Variants in PDE4D observed in about 807,000 individuals in gnomAD.
PDE4D encodes the protein 3',5'-cyclic-AMP phosphodiesterase 4D.
PDE4D carries 24 observed loss-of-function variants against 87.4 expected under a neutral mutation model. The observed-to-expected ratio is 0.27, with a 90% confidence interval of 0.20 to 0.39. PDE4D has a LOEUF of 0.39. Ranked by LOEUF, PDE4D falls within the 10% of genes least tolerant of loss-of-function variation. The pLI is 1.00. For missense variants in PDE4D, 714 were observed against 1,041.0 expected (o/e 0.69, Z 4.32); for synonymous variants, 384 against 383.2 (o/e 1.00, Z -0.02).
At chr5:60,347,649 G>A (rs1428977365) in intron 1 of PDE4D, among the ~76,000 whole-genome samples, 1 of 152,062 alleles carries the variant, frequency 6.6e-6, no homozygotes, top group African/African-American at 2.4e-5. Flanking sequence ...TAAAGGACAT[G>A]CCCAGACACC....
intron 3 of PDE4D, among the ~76,000 whole-genome samples, chr5:59,927,049 T>C (rs1168657941): frequency 6.6e-6 from 1 of 152,170 alleles, no homozygotes; most frequent in Non-Finnish European, 1.5e-5. Flanking sequence ...AAGGAGAGTT[T>C]GTCTTCAGCT....
chr5:60,466,775 C>G (rs983643466), intron 1 of PDE4D, among the ~76,000 whole-genome samples: 2 of 152,124 alleles, frequency 1.3e-5, no homozygotes, highest in Admixed American at 6.5e-5. Flanking sequence ...ATTTCCTACT[C>G]TTTCCCTCCT....
chr5:59,173,871 C>A (rs1002355989), intron 5 of PDE4D, among the ~76,000 whole-genome samples: 1 of 152,108 alleles, frequency 6.6e-6, no homozygotes, highest in Non-Finnish European at 1.5e-5. Flanking sequence ...TCATGTAGAT[C>A]CCTTTTGCCT....
chr5:60,369,314 C>A (rs1385427734), intron 1 of PDE4D, among the ~76,000 whole-genome samples: 7 of 152,096 alleles, frequency 4.6e-5, no homozygotes, highest in African/African-American at 1.7e-4. Flanking sequence ...GAATGGTGGG[C>A]AGCCCAGGGA....
intron 1 of PDE4D, among the ~76,000 whole-genome samples, chr5:59,695,998 T>C (rs1751726620): frequency 6.6e-6 from 1 of 152,200 alleles, no homozygotes; most frequent in East Asian, 1.9e-4. Flanking sequence ...TTTTGAATCA[T>C]TATGTGCTAA....
chr5:60,045,194 C>T (rs998370926), intron 2 of PDE4D, among the ~76,000 whole-genome samples: 1 of 151,618 alleles, frequency 6.6e-6, no homozygotes, highest in South Asian at 2.1e-4. Context: ...TGTCCACCCA[C>T]TTTTTGATGG....
intron 5 of PDE4D, among the ~76,000 whole-genome samples, chr5:59,146,067 C>T (rs1475559886): frequency 6.6e-6 from 1 of 152,180 alleles, no homozygotes; most frequent in Admixed American, 6.5e-5. Context: ...GTGGAGGTTG[C>T]AGTGAGCTGA....
intron 5 of PDE4D, among the ~76,000 whole-genome samples, chr5:59,122,457 T>C (rs1000904441): frequency 1.3e-5 from 2 of 152,132 alleles, no homozygotes; most frequent in African/African-American, 4.8e-5. Context: ...AACACACAGA[T>C]AGAATAAGCT....
chr5:59,232,229 G>C (rs1410843844), intron 1 of PDE4D, among the ~76,000 whole-genome samples: 1 of 152,052 alleles, frequency 6.6e-6, no homozygotes, highest in Admixed American at 6.6e-5. Context: ...AGAGTGAAAA[G>C]ACAACATGTT....
chr5:59,121,276 T>C (rs1774457378), intron 5 of PDE4D, among the ~76,000 whole-genome samples: 1 of 152,078 alleles, frequency 6.6e-6, no homozygotes, highest in East Asian at 1.9e-4. Flanking sequence ...ATCTATTAAA[T>C]GGGAGAAAAT....
At chr5:60,416,501 C>T (rs139415409) in intron 1 of PDE4D, among the ~76,000 whole-genome samples, 3,455 of 152,130 alleles carry the variant, frequency 0.023, 118 homozygotes, top group African/African-American at 0.08. Context: ...ACGAACAACT[C>T]CAGACACCCT....
intron 1 of PDE4D, among the ~76,000 whole-genome samples, chr5:59,297,488 C>T (rs894510486): frequency 6.6e-6 from 1 of 151,918 alleles, no homozygotes; most frequent in African/African-American, 2.4e-5. Flanking sequence ...AAAAGAGGGA[C>T]GGGTAGTGAA....
intron 5 of PDE4D, among the ~76,000 whole-genome samples, chr5:59,134,826 G>T (rs779695591): frequency 3.0e-4 from 45 of 152,100 alleles, no homozygotes; most frequent in Non-Finnish European, 6.2e-4. Flanking sequence ...AACTTACATG[G>T]AATACTTTTC....
At chr5:59,409,936 T>A (rs1792359674) in intron 1 of PDE4D, among the ~76,000 whole-genome samples, 1 of 152,176 alleles carries the variant, frequency 6.6e-6, no homozygotes, top group African/African-American at 2.4e-5. Flanking sequence ...TAATTTTAAT[T>A]CTTATGAGTA....
At chr5:59,910,849 T>C (rs1262973293) in intron 3 of PDE4D, among the ~76,000 whole-genome samples, 1 of 152,178 alleles carries the variant, frequency 6.6e-6, no homozygotes, top group Non-Finnish European at 1.5e-5. Flanking sequence ...AGTAGAATCC[T>C]TGGGGTAGGG....
intron 1 of PDE4D, among the ~76,000 whole-genome samples, chr5:59,675,933 C>A (rs1384126522): frequency 6.6e-6 from 1 of 152,088 alleles, no homozygotes; most frequent in Non-Finnish European, 1.5e-5. Flanking sequence ...CTCCAATTAT[C>A]CTTCCACCTC....
intron 1 of PDE4D, among the ~76,000 whole-genome samples, chr5:59,568,691 A>G (rs1247874668): frequency 2.6e-5 from 4 of 152,060 alleles, no homozygotes; most frequent in African/African-American, 4.8e-5. Context: ...GAAAATTCCA[A>G]CTGAGAGACA....
chr5:60,055,577 A>G (rs970000714), intron 2 of PDE4D, among the ~76,000 whole-genome samples: 2 of 152,162 alleles, frequency 1.3e-5, no homozygotes, highest in Admixed American at 6.6e-5. Context: ...ATATATATGA[A>G]AGTCGTGACT....
chr5:60,415,524 G>A (rs1289459364), intron 1 of PDE4D, among the ~76,000 whole-genome samples: 1 of 152,266 alleles, frequency 6.6e-6, no homozygotes, highest in Non-Finnish European at 1.5e-5. Flanking sequence ...TCCGGTGGGC[G>A]TGGGCTTGGT....
Sources: gnomAD v4.1 joint callset for allele counts (sites outside exome capture counted in the v4.1 genomes callset) on GRCh38, gnomAD v4.1.1 for gene constraint, MANE v1.5 for transcripts, NCBI Gene and HGNC (gene_info 2026-07-23, HGNC 2026-07-21) for gene names.